KCNIP1: variants seen among roughly 807,000 people sequenced by gnomAD.
KCNIP1 encodes the protein A-type potassium channel modulatory protein KCNIP1.
A neutral mutation model predicts 33.0 loss-of-function variants in KCNIP1; 18 were observed. That is an observed-to-expected ratio of 0.55 (90% CI 0.38 to 0.81). KCNIP1 has a LOEUF of 0.81. Among genes scored for constraint, KCNIP1 ranks in the 30% least tolerant of loss-of-function variants. The probability of loss-of-function intolerance (pLI) is 0.00; values close to 1 mark genes in which losing one functional copy is unlikely to be tolerated. For synonymous variants in KCNIP1, 93 were observed against 98.3 expected, an observed-to-expected ratio of 0.95 and a Z score of 0.32; for missense variants, 238 against 271.6, an observed-to-expected ratio of 0.88 and a Z score of 0.87.
chr5:170,398,940 C>T (rs762335988), intron 1 of KCNIP1, among the ~76,000 whole-genome samples: 3 of 152,076 alleles, frequency 2.0e-5, no homozygotes, highest in Non-Finnish European at 2.9e-5. Flanking sequence ...TTGGATCTCA[C>T]GCAGGAAATA....
intron 1 of KCNIP1, among the ~76,000 whole-genome samples, chr5:170,386,122 C>CACA (rs1764460929): frequency 7.5e-6 from 1 of 133,786 alleles, no homozygotes; most frequent in East Asian, 2.2e-4. Flanking sequence ...AAGACTCCGT[C>CACA]AAAAAAAAAA....
intron 1 of KCNIP1, among the ~76,000 whole-genome samples, chr5:170,359,684 G>C (rs1190493766): frequency 6.6e-6 from 1 of 152,144 alleles, no homozygotes; most frequent in African/African-American, 2.4e-5. Context: ...GCCAGGAGGG[G>C]CATGTGTTCA....
chr5:170,512,443 G>A (rs957940256), intron 1 of KCNIP1, among the ~76,000 whole-genome samples: 1 of 152,198 alleles, frequency 6.6e-6, no homozygotes, highest in Admixed American at 6.5e-5. Context: ...ATGTTATACG[G>A]TTGTTATGAG....
intron 1 of KCNIP1, among the ~76,000 whole-genome samples, chr5:170,632,838 G>T (rs1338598829): frequency 1.3e-5 from 2 of 152,170 alleles, no homozygotes; most frequent in African/African-American, 4.8e-5. Context: ...TCTGTAAGTG[G>T]GAACGCTAAT....
chr5:170,397,241 G>T (rs746146567), intron 1 of KCNIP1, among the ~76,000 whole-genome samples: 2 of 152,092 alleles, frequency 1.3e-5, no homozygotes, highest in Non-Finnish European at 2.9e-5. Context: ...TCAATCAAGC[G>T]GCTTAGCATT....
chr5:170,416,076 A>T (rs1454247072), intron 1 of KCNIP1, among the ~76,000 whole-genome samples: 1 of 152,030 alleles, frequency 6.6e-6, no homozygotes, highest in East Asian at 1.9e-4. Flanking sequence ...CAGGAGTGAC[A>T]ACAAGCCCTC....
intron 3 of KCNIP1, 195 bp from the exon 4 acceptor site, chr5:170,721,637 TC>T (rs1763828235): frequency 1.9e-6 from 2 of 1,057,136 alleles, no homozygotes; most frequent in Admixed American, 2.1e-5. Flanking sequence ...CAAGGGCTCA[TC>T]TCACTTTTTG....
intron 1 of KCNIP1, among the ~76,000 whole-genome samples, chr5:170,396,208 C>T (rs768739769): frequency 2.0e-5 from 3 of 152,098 alleles, no homozygotes; most frequent in African/African-American, 4.8e-5. Context: ...CCTAGGGGCT[C>T]GCAATGTTGG....
intron 1 of KCNIP1, among the ~76,000 whole-genome samples, chr5:170,599,005 C>T (rs1021010888): frequency 6.6e-6 from 1 of 151,530 alleles, no homozygotes; most frequent in Non-Finnish European, 1.5e-5. Flanking sequence ...ACTGAGGCCC[C>T]GGCCCATAAG....
chr5:170,704,092 C>T (rs1044961556), intron 1 of KCNIP1, among the ~76,000 whole-genome samples: 3 of 136,544 alleles, frequency 2.2e-5, no homozygotes, highest in Non-Finnish European at 4.6e-5. Flanking sequence ...ATGGCACTTA[C>T]GCCATGTTTT....
At chr5:170,530,489 C>T (rs1175229153) in intron 1 of KCNIP1, among the ~76,000 whole-genome samples, 11 of 152,204 alleles carry the variant, frequency 7.2e-5, no homozygotes, top group Admixed American at 7.2e-4. Context: ...GGATGGGGCC[C>T]TCTGGCCCCC....
chr5:170,697,339 A>G (rs1028713121), intron 1 of KCNIP1, among the ~76,000 whole-genome samples: 1 of 152,206 alleles, frequency 6.6e-6, no homozygotes, highest in Non-Finnish European at 1.5e-5. Context: ...ATCTGGGAAC[A>G]AGGACCACAC....
intron 1 of KCNIP1, among the ~76,000 whole-genome samples, chr5:170,391,585 CG>C (rs1274128345): frequency 6.6e-6 from 1 of 152,148 alleles, no homozygotes; most frequent in Non-Finnish European, 1.5e-5. Flanking sequence ...TGCATTAGTA[CG>C]GGGTGTCAGA....
chr5:170,558,386 T>G (rs1756914744), intron 1 of KCNIP1, among the ~76,000 whole-genome samples: 1 of 152,084 alleles, frequency 6.6e-6, no homozygotes, highest in Non-Finnish European at 1.5e-5. Flanking sequence ...AGTAAATAAT[T>G]TAAGAGAATA....
intron 1 of KCNIP1, among the ~76,000 whole-genome samples, chr5:170,569,431 C>T (rs1757319908): frequency 6.6e-6 from 1 of 152,266 alleles, no homozygotes; most frequent in African/African-American, 2.4e-5. Flanking sequence ...CTGTCTTTTC[C>T]ATGCCAGAGG....
chr5:170,468,408 AAAT>A (rs1756653826), intron 1 of KCNIP1, among the ~76,000 whole-genome samples: 1 of 152,242 alleles, frequency 6.6e-6, no homozygotes, highest in Non-Finnish European at 1.5e-5. Flanking sequence ...ACCTATAAAT[AAAT>A]AATAAGATTC....
chr5:170,463,988 T>C (rs1461105088), intron 1 of KCNIP1, among the ~76,000 whole-genome samples: 1 of 152,172 alleles, frequency 6.6e-6, no homozygotes, highest in African/African-American at 2.4e-5. Context: ...AAAATTAAAA[T>C]TCCTATACAC....
chr5:170,643,949 GTCAC>G (rs1266717880), intron 1 of KCNIP1, among the ~76,000 whole-genome samples: 2 of 152,128 alleles, frequency 1.3e-5, no homozygotes, highest in Non-Finnish European at 2.9e-5. Flanking sequence ...TTCCTGTTCT[GTCAC>G]TCACCAGTGC....
chr5:170,710,192 T>G (rs1442545105), intron 1 of KCNIP1, among the ~76,000 whole-genome samples: 2 of 152,224 alleles, frequency 1.3e-5, no homozygotes, highest in South Asian at 4.1e-4. Context: ...TTCTCTCTTG[T>G]GCATCTGTCT....
Sources: allele counts gnomAD v4.1 joint callset (sites outside exome capture counted in the v4.1 genomes callset), GRCh38; gene constraint gnomAD v4.1.1; transcripts MANE v1.5; gene names NCBI Gene and HGNC (gene_info 2026-07-23, HGNC 2026-07-21).